Variants in PLXNA4 observed in about 807,000 individuals in gnomAD.
PLXNA4 encodes plexin-A4.
A neutral mutation model predicts 191.8 loss-of-function variants in PLXNA4; 44 were observed. The observed-to-expected ratio is 0.23, with a 90% CI of 0.18 to 0.29. The LOEUF (loss-of-function observed/expected upper bound fraction) is 0.29. Ranked by LOEUF, PLXNA4 falls within the 10% of genes least tolerant of loss-of-function variation. The probability of loss-of-function intolerance (pLI) is 1.00; values close to 1 mark genes in which losing one functional copy is unlikely to be tolerated. For missense variants in PLXNA4, 1,800 were observed against 2,488.8 expected (o/e 0.72, Z 5.89); for synonymous variants, 1,082 against 1,009.5 (o/e 1.07, Z -1.36).
intron 1 of PLXNA4, among the ~76,000 whole-genome samples, chr7:132,531,330 A>G (rs1297922601): frequency 2.0e-5 from 3 of 152,236 alleles, no homozygotes; most frequent in African/African-American, 7.2e-5. Context: ...AAAACATGTT[A>G]CAGATTAATT....
At chr7:132,497,908 T>C (rs896730019) in intron 2 of PLXNA4, among the ~76,000 whole-genome samples, 1 of 152,126 alleles carries the variant, frequency 6.6e-6, no homozygotes, top group African/African-American at 2.4e-5. Context: ...GGAAAACGAA[T>C]GTGTAACAGA....
chr7:132,380,148 C>A, intron 3 of PLXNA4, among the ~76,000 whole-genome samples: 1 of 152,338 alleles, frequency 6.6e-6, no homozygotes. Context: ...CCCCTTGGGG[C>A]TTCCGGGAAC....
At chr7:132,364,445 G>A (rs1005664809) in intron 3 of PLXNA4, among the ~76,000 whole-genome samples, 2 of 151,996 alleles carry the variant, frequency 1.3e-5, no homozygotes, top group South Asian at 2.1e-4. Flanking sequence ...GTGGTTTCAT[G>A]TCAGCTCACA....
intron 3 of PLXNA4, among the ~76,000 whole-genome samples, chr7:132,402,031 T>G (rs1794007089): frequency 1.3e-5 from 2 of 151,972 alleles, no homozygotes. Flanking sequence ...GATTCCCCAG[T>G]CGAGAGCCCA....
intron 4 of PLXNA4, among the ~76,000 whole-genome samples, chr7:132,264,738 C>T (rs1448580597): frequency 6.8e-6 from 1 of 147,160 alleles, no homozygotes; most frequent in Admixed American, 6.9e-5. Flanking sequence ...CACTGTGTTG[C>T]TCAGCCTGGA....
intron 5 of PLXNA4, among the ~76,000 whole-genome samples, chr7:132,238,677 T>C (rs1261161084): frequency 2.6e-5 from 4 of 152,176 alleles, no homozygotes; most frequent in African/African-American, 9.7e-5. Flanking sequence ...TAAAACATGG[T>C]GCCAGACTAA....
At chr7:132,441,149 T>A (rs754727100) in intron 3 of PLXNA4, among the ~76,000 whole-genome samples, 10 of 152,136 alleles carry the variant, frequency 6.6e-5, no homozygotes, top group Admixed American at 3.3e-4. Flanking sequence ...TGAGCTCCCA[T>A]CAGAAATAGA....
chr7:132,499,001 T>C (rs139318898), intron 2 of PLXNA4, among the ~76,000 whole-genome samples: 9 of 152,364 alleles, frequency 5.9e-5, no homozygotes, highest in East Asian at 1.9e-4. Context: ...CTTTCACTCA[T>C]CATGAAAACA....
chr7:132,255,697 C>T (rs1799407991), intron 4 of PLXNA4, among the ~76,000 whole-genome samples: 1 of 152,156 alleles, frequency 6.6e-6, no homozygotes. Context: ...GCCCTGTGAT[C>T]CCCAGGCCTA....
chr7:132,465,441 T>C (rs77600191), intron 3 of PLXNA4, among the ~76,000 whole-genome samples: 1,730 of 152,362 alleles, frequency 0.011, 17 homozygotes, highest in Middle Eastern at 0.034. Context: ...ACAATCTTTG[T>C]TCCTGGGGCT....
At chr7:132,566,717 C>T (rs1190894397) in intron 1 of PLXNA4, among the ~76,000 whole-genome samples, 1 of 152,164 alleles carries the variant, frequency 6.6e-6, no homozygotes, top group Non-Finnish European at 1.5e-5. Context: ...GGAAACATGT[C>T]CACAAACCTG....
chr7:132,146,848 T>C (rs1795451243), intron 27 of PLXNA4, 148 bp from the exon 28 acceptor site: 2 of 1,450,922 alleles, frequency 1.4e-6, no homozygotes, highest in Admixed American at 2.5e-5. Flanking sequence ...CTTGGTTTGG[T>C]GCATTCCCTG....
intron 2 of PLXNA4, among the ~76,000 whole-genome samples, chr7:132,583,911 C>T (rs941681103): frequency 2.6e-5 from 4 of 152,202 alleles, no homozygotes; most frequent in Admixed American, 2.0e-4. Context: ...GAGGGCCAAT[C>T]GTGCCATATC....
chr7:132,347,946 C>T (rs1245479312), intron 3 of PLXNA4, among the ~76,000 whole-genome samples: 4 of 152,248 alleles, frequency 2.6e-5, no homozygotes, highest in Non-Finnish European at 4.4e-5. Flanking sequence ...GGTTTGAGCA[C>T]CTTTCCAGGG....
At chr7:132,630,971 C>T (rs1195747667) in intron 2 of PLXNA4, among the ~76,000 whole-genome samples, 1 of 152,196 alleles carries the variant, frequency 6.6e-6, no homozygotes, top group East Asian at 1.9e-4. Context: ...CAACTTCTTC[C>T]CATGACACAC....
chr7:132,398,458 T>C (rs1479426035), intron 3 of PLXNA4, among the ~76,000 whole-genome samples: 1 of 152,176 alleles, frequency 6.6e-6, no homozygotes, highest in East Asian at 1.9e-4. Context: ...GGGCCCTGGG[T>C]GTGCGGGAGT....
rs1241211048 is a variant in PLXNA4 at position 132,180,621 on chromosome 7, C to T, written c.3604G>A (p.Glu1202Lys). 4 of 1,614,190 alleles carry T rather than the reference C, an allele frequency of 2.5e-6. No homozygotes were observed. The highest frequency in any genetic ancestry group is 1.7e-5 in the Admixed American group (1 of 60,018). ...VTVSDVQLLC[E>K]SPNLIGRHKV... is the part of the protein sequence containing the mutation. ...TGCCTGCCGATGAGGTTGGGGGACT[C>T]GCAGAGCAGCTGGACATCTGACACG... Residue 1202 changes from glutamate (E) to lysine (K), a missense_variant, in exon 19 of 32, where the codon GAG becomes AAG. By Grantham distance (56) the Glu-to-Lys change is moderately conservative (BLOSUM62 1). Coordinates refer to ENST00000321063, the MANE Select transcript of PLXNA4 (RefSeq NM_020911.2).
chr7:132,400,554 C>T (rs373761404), intron 3 of PLXNA4, among the ~76,000 whole-genome samples: 10 of 152,228 alleles, frequency 6.6e-5, no homozygotes, highest in African/African-American at 2.2e-4. Context: ...ACACGCTCAC[C>T]CTTCTTTCCC....
intron 2 of PLXNA4, among the ~76,000 whole-genome samples, chr7:132,588,682 AGG>A (rs1471794348): frequency 5.4e-4 from 22 of 40,778 alleles, no homozygotes; most frequent in South Asian, 3.0e-3. Flanking sequence ...AAGGGAAGGG[AGG>A]AGGGAGGGAG....
Sources: gnomAD v4.1 joint callset for allele counts (sites outside exome capture counted in the v4.1 genomes callset) on GRCh38, gnomAD v4.1.1 for gene constraint, MANE v1.5 for transcripts, NCBI Gene and HGNC (gene_info 2026-07-23, HGNC 2026-07-21) for gene names.